The following UNC79 variants were observed in gnomAD, a reference collection of about 807,000 sequenced individuals.
The protein encoded by UNC79 is unc-79 subunit of NALCN channel complex.
Under a neutral mutation model 283.1 loss-of-function variants are expected in UNC79, and 37 were observed. The ratio of observed to expected loss-of-function variants is 0.13; its 90% confidence interval spans 0.10 to 0.17. The LOEUF (loss-of-function observed/expected upper bound fraction) is 0.17, where lower values mean the gene tolerates loss of function less well. Ranked by LOEUF, UNC79 falls within the 10% of genes least tolerant of loss-of-function variation. The probability of loss-of-function intolerance (pLI) is 1.00; values close to 1 mark genes in which losing one functional copy is unlikely to be tolerated. For missense variants in UNC79, 2,272 were observed against 3,211.1 expected (o/e 0.71, Z 7.07); for synonymous variants, 1,107 against 1,200.2 (o/e 0.92, Z 1.61).
chr14:93,464,475 G>A (rs2057081524), intron 1 of UNC79: 1 of 454,958 alleles, frequency 2.2e-6, no homozygotes, highest in Non-Finnish European at 4.4e-6. Context: ...CCACGGAAAC[G>A]GCCTCATTTT....
intron 13 of UNC79, among the ~76,000 whole-genome samples, chr14:93,542,083 T>C (rs1198793920): frequency 6.6e-6 from 1 of 150,994 alleles, no homozygotes; most frequent in East Asian, 2.0e-4. Context: ...TTATTACTAA[T>C]ACACAATTCT....
chr14:93,419,044 T>C (rs1372191257), intron 1 of UNC79, among the ~76,000 whole-genome samples: 5 of 151,766 alleles, frequency 3.3e-5, no homozygotes, highest in African/African-American at 1.2e-4. Context: ...CTGTGCCCAC[T>C]GTCTGGCACT....
intron 1 of UNC79, among the ~76,000 whole-genome samples, chr14:93,361,151 G>A (rs2054212201): frequency 1.4e-5 from 2 of 142,720 alleles, no homozygotes; most frequent in East Asian, 2.1e-4. Context: ...GGTGGAGGTT[G>A]CAGTGAGCTG....
chr14:93,630,581 C>A (rs937176831), intron 30 of UNC79, among the ~76,000 whole-genome samples: 5 of 152,196 alleles, frequency 3.3e-5, no homozygotes, highest in Non-Finnish European at 5.9e-5. Flanking sequence ...TCATTAATCT[C>A]CAAAAGGCAG....
chr14:93,516,452 G>GC (rs1213899803), intron 7 of UNC79, among the ~76,000 whole-genome samples: 3 of 37,928 alleles, frequency 7.9e-5, no homozygotes, highest in Non-Finnish European at 1.1e-4. Flanking sequence ...ATTTTTTTTG[G>GC]GGGGGGGGGT....
intron 22 of UNC79, among the ~76,000 whole-genome samples, chr14:93,592,445 A>G (rs1344464616): frequency 6.6e-6 from 1 of 152,136 alleles, no homozygotes; most frequent in Non-Finnish European, 1.5e-5. Flanking sequence ...AAGTGCTGGG[A>G]TTACAGGCGT....
chr14:93,523,837 A>G (rs1457368437), intron 7 of UNC79, 141 bp from the exon 8 acceptor site: 7 of 859,106 alleles, frequency 8.1e-6, no homozygotes, highest in Admixed American at 5.7e-5. Flanking sequence ...TAAATTTTTT[A>G]TAGATTAAAA....
intron 20 of UNC79, among the ~76,000 whole-genome samples, chr14:93,583,416 C>T (rs975549964): frequency 3.9e-5 from 6 of 152,160 alleles, no homozygotes; most frequent in Non-Finnish European, 5.9e-5. Flanking sequence ...CTTCAGTGAG[C>T]AGCAGATATT....
exon 26 of UNC79, chr14:93,603,350 A>T: frequency 6.2e-7 from 1 of 1,614,184 alleles, no homozygotes; most frequent in Non-Finnish European, 8.5e-7. Flanking sequence ...TCCCTGAGGG[A>T]CAGCGTGAAA....
intron 1 of UNC79, among the ~76,000 whole-genome samples, chr14:93,447,393 TTA>T (rs2056491352): frequency 6.6e-6 from 1 of 152,164 alleles, no homozygotes; most frequent in Admixed American, 6.5e-5. Context: ...TCTTGCAACT[TTA>T]TAGGCCCATA....
chr14:93,367,417 GAT>G (rs952132128), intron 1 of UNC79, among the ~76,000 whole-genome samples: 4 of 152,142 alleles, frequency 2.6e-5, no homozygotes, highest in Non-Finnish European at 5.9e-5. Context: ...TACTGATGGA[GAT>G]ACTTTTGGCC....
At chr14:93,527,027 T>C (rs2060579075) in intron 8 of UNC79, among the ~76,000 whole-genome samples, 1 of 152,212 alleles carries the variant, frequency 6.6e-6, no homozygotes, top group Non-Finnish European at 1.5e-5. Context: ...CCATTTTTGT[T>C]TTAATAGGCT....
chr14:93,474,485 T>G lies in UNC79; in HGVS notation c.448+92T>G, dbSNP rs2057689845. The G allele has an allele frequency of 7.2e-7, 1 of 1,393,024 alleles. No individual in the cohort carries two copies. The highest frequency in any genetic ancestry group is 2.4e-5 in the Admixed American group (1 of 42,440). 86.3% of individuals were successfully genotyped at this position (1,393,024 alleles called of 1,614,324 possible). On this transcript the variant is annotated intron_variant, in intron 3 of 48. Transcript: ENST00000555664. This position sits in a 1 kb window ranked among gnomAD's most constrained non-coding sequence, Gnocchi z 4.1. ...AGGGGCTTGGAGATGGTCACTGTTG[T>G]AATCAATCACCTGAAAGGGCTTTGT... is the stretch of plus-strand genomic sequence containing the variant.
intron 35 of UNC79, among the ~76,000 whole-genome samples, chr14:93,653,320 T>TGC: frequency 1.1e-5 from 1 of 93,794 alleles, no homozygotes; most frequent in South Asian, 3.6e-4. Flanking sequence ...TCTCTCTCAC[T>TGC]GCATATATAT....
chr14:93,600,456 T>A (rs548840343), intron 24 of UNC79, 113 bp from the exon 25 acceptor site: 2 of 679,168 alleles, frequency 2.9e-6, no homozygotes, highest in East Asian at 5.4e-5. Context: ...TAAGTTTGAA[T>A]TGAGTAGGCT....
In UNC79 at chr14:93,654,061, G is replaced by A. The variant is rs758218347; in HGVS notation, c.6282+36G>A. ...TTTAATGACACCCTAAGCCCCAGCC[G>A]AAACTCTAAGCCCCAGCACAACTGT... On this transcript the variant is annotated intron_variant, in intron 37 of 48. Transcript: ENST00000555664. 10 of 1,591,358 alleles carry A rather than the reference G, an allele frequency of 6.3e-6. No homozygotes were observed. In the East Asian group the frequency reaches 6.7e-5, roughly 11 times the overall value.
At chr14:93,448,627 G>T (rs1169499874) in intron 1 of UNC79, among the ~76,000 whole-genome samples, 2 of 152,146 alleles carry the variant, frequency 1.3e-5, no homozygotes, top group Non-Finnish European at 2.9e-5. Context: ...AGACTTTGGG[G>T]TCTACTATTT....
intron 1 of UNC79, among the ~76,000 whole-genome samples, chr14:93,464,861 C>T (rs1490088932): frequency 6.6e-6 from 1 of 152,172 alleles, no homozygotes; most frequent in Admixed American, 6.5e-5. Context: ...AAATGACCAC[C>T]TCTCGTGCAC....
At chr14:93,503,790 A>C (rs1347182007) in intron 7 of UNC79, among the ~76,000 whole-genome samples, 1 of 151,922 alleles carries the variant, frequency 6.6e-6, no homozygotes, top group African/African-American at 2.4e-5. Context: ...AAGTTATTTT[A>C]ATATTATCAA....
Sources: allele counts gnomAD v4.1 joint callset (sites outside exome capture counted in the v4.1 genomes callset), GRCh38; gene constraint gnomAD v4.1.1; non-coding constraint Gnocchi (gnomAD v3.1); transcripts MANE v1.5; gene names NCBI Gene and HGNC (gene_info 2026-07-23, HGNC 2026-07-21).